The following ASIC2 variants were observed in gnomAD, a reference collection of about 807,000 sequenced individuals.
The protein encoded by ASIC2 is acid-sensing ion channel 2.
A neutral mutation model predicts 57.3 loss-of-function variants in ASIC2; 25 were observed. That is an observed-to-expected ratio of 0.44 (90% CI 0.32 to 0.61). The LOEUF (loss-of-function observed/expected upper bound fraction) is 0.61. Among genes scored for constraint, ASIC2 ranks in the 20% least tolerant of loss-of-function variants. ASIC2 has a pLI of 0.06. For missense variants in ASIC2, 641 were observed against 738.1 expected (o/e 0.87, Z 1.52); for synonymous variants, 319 against 307.5 (o/e 1.04, Z -0.39).
chr17:33,505,742 C>T (rs975368379), intron 1 of ASIC2, among the ~76,000 whole-genome samples: 1 of 152,194 alleles, frequency 6.6e-6, no homozygotes, highest in African/African-American at 2.4e-5. Context: ...CTGCCCGGAT[C>T]GCCTACTAGC....
At chr17:33,116,510 C>A (rs1263907299) in intron 1 of ASIC2, among the ~76,000 whole-genome samples, 2 of 152,210 alleles carry the variant, frequency 1.3e-5, no homozygotes, top group Non-Finnish European at 2.9e-5. Context: ...GACAGGCCCA[C>A]TGTGGATGGC....
intron 1 of ASIC2, among the ~76,000 whole-genome samples, chr17:33,329,786 A>G (rs1504575): frequency 0.19 from 29,143 of 151,616 alleles, 2,962 homozygotes; most frequent in East Asian, 0.37. Context: ...CATTATTGCC[A>G]TGAATGTTTG....
intron 1 of ASIC2, among the ~76,000 whole-genome samples, chr17:33,715,965 G>A (rs548654306): frequency 7.9e-5 from 12 of 152,226 alleles, no homozygotes; most frequent in South Asian, 2.1e-4. Flanking sequence ...CAGCTTGATC[G>A]CTTAATCCAG....
intron 2 of ASIC2, among the ~76,000 whole-genome samples, chr17:33,089,260 T>C (rs898538373): frequency 3.3e-5 from 5 of 152,166 alleles, no homozygotes; most frequent in African/African-American, 1.2e-4. Context: ...TCACAGAGGT[T>C]CCTATGAAAG....
rs59094832 is a variant in ASIC2 at position 33,068,528 on chromosome 17, TCAAAACAAAACAAAA to T, written c.987+20320_987+20334del. Among the ~76,000 whole-genome samples, 20 of 149,436 alleles carry T rather than the reference TCAAAACAAAACAAAA, an allele frequency of 1.3e-4. 1 individual carries two copies. In the South Asian group the frequency reaches 3.9e-3, roughly 29 times the overall value. On this transcript the variant is annotated intron_variant, in intron 3 of 9. Coordinates refer to ENST00000225823, the MANE Select transcript of ASIC2 (RefSeq NM_183377.2). ...TGGGCAACAAGAGCGAAACTCCATC[TCAAAACAAAACAAAA>T]CAAAACAAAACAAAACAAAACAAAC...
intron 1 of ASIC2, among the ~76,000 whole-genome samples, chr17:33,944,830 T>G (rs934343342): frequency 2.0e-5 from 3 of 151,950 alleles, no homozygotes. Context: ...TCCAGAAGAG[T>G]GTGATGGAGG....
intron 1 of ASIC2, among the ~76,000 whole-genome samples, chr17:33,882,096 T>C (rs4795836): frequency 0.46 from 70,231 of 151,986 alleles, 16,523 homozygotes; most frequent in East Asian, 0.6. Context: ...TTACACCTTA[T>C]GCAAAAATTA....
At chr17:34,141,893 T>C (rs1401350022) in intron 1 of ASIC2, among the ~76,000 whole-genome samples, 1 of 152,200 alleles carries the variant, frequency 6.6e-6, no homozygotes, top group East Asian at 1.9e-4. Context: ...CAATGGCCCC[T>C]GTTTGTTTAA....
chr17:34,131,792 T>C (rs1003914), intron 1 of ASIC2, among the ~76,000 whole-genome samples: 71,024 of 152,022 alleles, frequency 0.47, 16,920 homozygotes, highest in Middle Eastern at 0.54. Context: ...AGGCCCCCTG[T>C]CCAAATGGGA....
At chr17:33,122,282 A>G (rs2092305377) in intron 1 of ASIC2, among the ~76,000 whole-genome samples, 1 of 152,142 alleles carries the variant, frequency 6.6e-6, no homozygotes, top group Non-Finnish European at 1.5e-5. Flanking sequence ...AGCAGCCCAG[A>G]CACTCTGGGA....
At chr17:33,650,186 A>G (rs1477167269) in intron 1 of ASIC2, among the ~76,000 whole-genome samples, 1 of 152,248 alleles carries the variant, frequency 6.6e-6, no homozygotes. Context: ...ATAAAGAGAC[A>G]TTTCACTGAA....
Position 34,060,945 on chromosome 17 carries a change from C to CT in ASIC2, c.555+95032dup, listed in dbSNP as rs1908948894. Among the ~76,000 whole-genome samples, 4 of 152,160 alleles carry CT rather than the reference C, an allele frequency of 2.6e-5. No homozygotes were observed. The South Asian group carries it at 8.3e-4, about 32-fold the overall frequency. On this transcript the variant is annotated intron_variant, in intron 1 of 9. Coordinates refer to the ASIC2 transcript ENST00000359872. ...TATTTTGGGGAATAATTGAGGACAA[C>CT]TTCCCTGGCCTTGCGAAAGACCTAG...
chr17:34,011,033 GCACACA>G, intron 1 of ASIC2, among the ~76,000 whole-genome samples: 1 of 2,836 alleles, frequency 3.5e-4, no homozygotes, highest in African/African-American at 1.5e-3. Flanking sequence ...TCAGACACAT[GCACACA>G]CACACACACA....
At chr17:33,403,669 C>A (rs1232163163) in intron 1 of ASIC2, among the ~76,000 whole-genome samples, 2 of 152,216 alleles carry the variant, frequency 1.3e-5, no homozygotes, top group Non-Finnish European at 2.9e-5. Context: ...AAGAAACAAA[C>A]CTTCCTTCAT....
chr17:33,032,440 G>GTTTTTTTTTTTTTTTTTTTTTTTTT (rs60183644), intron 3 of ASIC2, among the ~76,000 whole-genome samples: 5 of 94,116 alleles, frequency 5.3e-5, no homozygotes, highest in African/African-American at 2.3e-4. Context: ...ATAATACACT[G>GTTTTTTTTTTTTTTTTTTTTTTTTT]TTTTTTTTTT....
chr17:33,144,668 C>T (rs1031544895), intron 1 of ASIC2, among the ~76,000 whole-genome samples: 4 of 152,048 alleles, frequency 2.6e-5, no homozygotes, highest in African/African-American at 4.8e-5. Flanking sequence ...GGTGGAAAAC[C>T]TCTGGGCCCA....
chr17:33,147,786 T>C (rs1597603358), intron 1 of ASIC2, among the ~76,000 whole-genome samples: 1 of 152,298 alleles, frequency 6.6e-6, no homozygotes, highest in Non-Finnish European at 1.5e-5. Context: ...CCGTGGCACA[T>C]CCATCACTTT....
chr17:33,359,185 A>G (rs570619310), intron 1 of ASIC2, among the ~76,000 whole-genome samples: 11 of 152,316 alleles, frequency 7.2e-5, no homozygotes, highest in African/African-American at 2.6e-4. Context: ...AGCAAGTTGA[A>G]AAGATGCTAA....
At chr17:33,333,598 C>T (rs1304328200) in intron 1 of ASIC2, among the ~76,000 whole-genome samples, 1 of 152,106 alleles carries the variant, frequency 6.6e-6, no homozygotes, top group Non-Finnish European at 1.5e-5. Context: ...CAATTTCTTC[C>T]TTCTTTTTTT....
Sources: allele counts gnomAD v4.1 joint callset (sites outside exome capture counted in the v4.1 genomes callset), GRCh38; gene constraint gnomAD v4.1.1; transcripts MANE v1.5; gene names NCBI Gene and HGNC (gene_info 2026-07-23, HGNC 2026-07-21).